The following ANAPC1 variants were observed in gnomAD, a reference collection of about 807,000 sequenced individuals.
ANAPC1 encodes the protein anaphase-promoting complex subunit 1.
In ANAPC1, 36 loss-of-function variants were observed where a neutral mutation model predicts 208.0. The ratio of observed to expected loss-of-function variants is 0.17; its 90% CI spans 0.13 to 0.23. The LOEUF is 0.23. ANAPC1 is among the 10% of genes least tolerant of loss of function. The pLI is 1.00. For missense variants in ANAPC1, 942 were observed against 2,011.6 expected (o/e 0.47, Z 10.17); for synonymous variants, 378 against 695.2 (o/e 0.54, Z 7.18).
intron 3 of ANAPC1, among the ~76,000 whole-genome samples, chr2:111,874,751 T>A (rs1045172704): frequency 5.3e-5 from 8 of 152,378 alleles, no homozygotes; most frequent in African/African-American, 1.9e-4. Context: ...TATCTGTGAA[T>A]CCCTGTTCTC....
In ANAPC1 at chr2:111,847,147, A is replaced by G. The variant is rs370589531; in HGVS notation, c.1843T>C (p.Ser615Pro). ...AACTTCTCAATCGTACCTAACTCAGAGGTGGCAATTTCAGGAATAGTGATC... is the reference window on the plus strand; with the variant it reads ...AACTTCTCAATCGTACCTAACTCAGGGGTGGCAATTTCAGGAATAGTGATC... The part of the protein sequence containing the change: ...VRITIPEIAT[S>P]ELVQTCLQAI... The change falls in exon 16 of 48, where the codon TCT (serine) becomes CCT (proline). Residue 615 changes from serine (S) to proline (P), a missense_variant. By Grantham distance (74) the Ser-to-Pro change is moderately conservative. Coordinates refer to ENST00000341068, the MANE Select transcript of ANAPC1 (RefSeq NM_022662.4). 2 of 1,609,060 alleles carry G rather than the reference A, an allele frequency of 1.2e-6. No individual in the cohort carries two copies. Among genetic ancestry groups the G allele is most frequent in the Non-Finnish European group, 1.7e-6 (2 of 1,177,602 alleles).
chr2:111,858,665 G>C (rs540964452), intron 10 of ANAPC1, among the ~76,000 whole-genome samples: 2 of 151,900 alleles, frequency 1.3e-5, no homozygotes, highest in Admixed American at 6.6e-5. Context: ...TGGAGGCTGA[G>C]GCGGGAGAAT....
chr2:111,790,463 T>C (rs889711734), intron 38 of ANAPC1, among the ~76,000 whole-genome samples: 5 of 151,754 alleles, frequency 3.3e-5, no homozygotes, highest in Admixed American at 3.3e-4. Flanking sequence ...TAAACACAGG[T>C]GTATAGGCAC....
intron 3 of ANAPC1, among the ~76,000 whole-genome samples, chr2:111,873,970 T>G (rs780143655): frequency 6.6e-6 from 1 of 151,408 alleles, no homozygotes; most frequent in Non-Finnish European, 1.5e-5. Flanking sequence ...ATCTACCAGA[T>G]AGAAACTTTG....
intron 9 of ANAPC1, 41 bp downstream of exon 9, chr2:111,863,634 A>C (rs1378334776): frequency 1.1e-5 from 17 of 1,576,324 alleles, no homozygotes; most frequent in African/African-American, 1.4e-5. Context: ...CTTCAAAACA[A>C]AACAGAAAGC....
At chr2:111,826,267 G>A (rs1432723009) in intron 21 of ANAPC1, among the ~76,000 whole-genome samples, 1 of 152,050 alleles carries the variant, frequency 6.6e-6, no homozygotes, top group Non-Finnish European at 1.5e-5. Context: ...TGTGAGTTTC[G>A]ACAAATGTTG....
intron 17 of ANAPC1, 48 bp downstream of exon 17, chr2:111,843,364 A>T (rs2104496414): frequency 6.3e-7 from 1 of 1,595,562 alleles, no homozygotes; most frequent in East Asian, 2.2e-5. Context: ...TTATGCAACC[A>T]TTACATTAAC....
chr2:111,773,348 C>A (rs1483619452), intron 46 of ANAPC1, among the ~76,000 whole-genome samples: 1 of 152,254 alleles, frequency 6.6e-6, no homozygotes, highest in Non-Finnish European at 1.5e-5. Flanking sequence ...TGATTACCAT[C>A]CGAAAAATGC....
At chr2:111,819,854 A>G (rs1366092684) in intron 26 of ANAPC1, among the ~76,000 whole-genome samples, 2 of 152,136 alleles carry the variant, frequency 1.3e-5, no homozygotes, top group African/African-American at 4.8e-5. Flanking sequence ...GCTAACTGGA[A>G]AGAAAAATTT....
chr2:111,868,182 G>T, intron 6 of ANAPC1, 86 bp from the exon 7 acceptor site: 1 of 661,460 alleles, frequency 1.5e-6, no homozygotes, highest in Non-Finnish European at 2.4e-6. Context: ...GAAATCTCCA[G>T]ATTACATGAG....
chr2:111,869,836 A>G (rs1315020315), intron 6 of ANAPC1, among the ~76,000 whole-genome samples: 1 of 152,110 alleles, frequency 6.6e-6, no homozygotes, highest in African/African-American at 2.4e-5. Context: ...GTTGTATGCA[A>G]TATGTAGTTT....
chr2:111,852,078 A>G lies in ANAPC1; in HGVS notation c.1516-1168T>C, dbSNP rs1050382496. 5.0e-4 allele frequency among the ~76,000 whole-genome samples: 76 copies of G among 151,402 alleles called. 1 individual carries two copies. Among genetic ancestry groups the G allele is most frequent in the Non-Finnish European group, 9.1e-4 (62 of 67,838 alleles). Reference sequence around the variant, plus strand: ...AAATAACAGTGAGAACTAATTATGCATAATTTTTTAAAAGCTATCTCAAAC... The same window carrying G: ...AAATAACAGTGAGAACTAATTATGCGTAATTTTTTAAAAGCTATCTCAAAC... On this transcript the variant is annotated intron_variant, in intron 13 of 47. Transcript: ENST00000341068.
intron 3 of ANAPC1, among the ~76,000 whole-genome samples, 192 bp downstream of exon 3, chr2:111,878,618 G>C (rs1455423427): frequency 6.6e-6 from 1 of 152,086 alleles, no homozygotes; most frequent in Non-Finnish European, 1.5e-5. Context: ...TAAAAAAAGT[G>C]ATGATATAAA....
intron 13 of ANAPC1, among the ~76,000 whole-genome samples, chr2:111,855,239 G>A (rs1394965437): frequency 6.6e-6 from 1 of 152,082 alleles, no homozygotes; most frequent in East Asian, 1.9e-4. Context: ...ACAGTTCGTG[G>A]TGCCCCAAAA....
At chr2:111,860,252 T>C (rs1046925361) in intron 10 of ANAPC1, among the ~76,000 whole-genome samples, 1 of 151,884 alleles carries the variant, frequency 6.6e-6, no homozygotes, top group African/African-American at 2.4e-5. Flanking sequence ...TGAGCTGTGA[T>C]TGAGTCACTC....
intron 2 of ANAPC1, among the ~76,000 whole-genome samples, chr2:111,880,319 C>T (rs559429429): frequency 1.6e-4 from 24 of 152,004 alleles, no homozygotes; most frequent in Non-Finnish European, 3.2e-4. Context: ...TTGCGGTGAG[C>T]CAAGATCGCA....
intron 21 of ANAPC1, among the ~76,000 whole-genome samples, chr2:111,830,810 G>T (rs1271657368): frequency 6.6e-6 from 1 of 152,184 alleles, no homozygotes; most frequent in African/African-American, 2.4e-5. Flanking sequence ...AAATGGAAGA[G>T]CCACTCTGGA....
intron 22 of ANAPC1, among the ~76,000 whole-genome samples, chr2:111,825,411 G>T (rs1356083311): frequency 6.6e-6 from 1 of 152,176 alleles, no homozygotes; most frequent in Admixed American, 6.5e-5. Flanking sequence ...TGGCCCTGCA[G>T]AACCTGCATA....
At chr2:111,842,868 T>C (rs1372111568) in intron 17 of ANAPC1, among the ~76,000 whole-genome samples, 1 of 152,132 alleles carries the variant, frequency 6.6e-6, no homozygotes, top group African/African-American at 2.4e-5. Flanking sequence ...CCTGTAAGGA[T>C]GTTACTGCAG....
Sources: allele counts gnomAD v4.1 joint callset (sites outside exome capture counted in the v4.1 genomes callset), GRCh38; gene constraint gnomAD v4.1.1; transcripts MANE v1.5; gene names NCBI Gene and HGNC (gene_info 2026-07-23, HGNC 2026-07-21).